The following TENT4A variants were observed in gnomAD, a reference collection of about 807,000 sequenced individuals.
The protein encoded by TENT4A is DNA polymerase kappa.
In TENT4A, 7 loss-of-function variants were observed where a neutral mutation model predicts 72.8. The observed-to-expected ratio is 0.10, with a 90% CI of 0.05 to 0.18. TENT4A has a LOEUF of 0.18. TENT4A is among the 10% of genes least tolerant of loss of function. TENT4A has a pLI of 1.00. For missense variants in TENT4A, 831 were observed against 1,017.7 expected, an observed-to-expected ratio of 0.82 and a Z score of 2.50; for synonymous variants, 456 against 434.3, an observed-to-expected ratio of 1.05 and a Z score of -0.62.
intron 9 of TENT4A, among the ~76,000 whole-genome samples, 188 bp from the exon 10 acceptor site, chr5:6,750,142 AC>A (rs2126655313): frequency 6.6e-6 from 1 of 152,382 alleles, no homozygotes; most frequent in African/African-American, 2.4e-5. Context: ...GTTATTACAA[AC>A]ATGTTTAATG....
At chr5:6,742,707 A>G in intron 5 of TENT4A, 110 bp downstream of exon 5, 1 of 662,052 alleles carries the variant, frequency 1.5e-6, no homozygotes, top group East Asian at 2.7e-5. Flanking sequence ...GTCTTTCGTA[A>G]CACAGACTAC....
chr5:6,754,840 G>A lies in TENT4A; in HGVS notation c.2274G>A (p.Arg758=). The part of the protein sequence containing the change: ...GYSSVGSGGV[R]PPVGNRGHHQ... Reference sequence around the variant, plus strand: ...GCTCTGTGGGTAGCGGAGGTGTGCGGCCCCCTGTGGGCAACAGGGGACACC... The same window carrying A: ...GCTCTGTGGGTAGCGGAGGTGTGCGACCCCCTGTGGGCAACAGGGGACACC... Residue 758 remains arginine, a synonymous_variant, in exon 13 of 13, where the codon CGG becomes CGA. Transcript: ENST00000230859. 2 of 1,609,850 alleles carry A rather than the reference G, an allele frequency of 1.2e-6. No homozygotes were observed. Among genetic ancestry groups the A allele is most frequent in the Non-Finnish European group, 1.7e-6 (2 of 1,177,082 alleles).
At chr5:6,744,745 T>G (rs1741994070) in intron 6 of TENT4A, among the ~76,000 whole-genome samples, 1 of 152,254 alleles carries the variant, frequency 6.6e-6, no homozygotes, top group Non-Finnish European at 1.5e-5. Flanking sequence ...CTGTCCTGTC[T>G]TCACTTTCCC....
intron 8 of TENT4A, among the ~76,000 whole-genome samples, chr5:6,749,280 G>C (rs1742267196): frequency 6.6e-6 from 1 of 152,164 alleles, no homozygotes; most frequent in African/African-American, 2.4e-5. Context: ...TGAAATGTCA[G>C]CACTGTATGA....
chr5:6,727,070 TCGC>T (rs1167190588), intron 1 of TENT4A, among the ~76,000 whole-genome samples: 1 of 152,046 alleles, frequency 6.6e-6, no homozygotes, highest in Non-Finnish European at 1.5e-5. Flanking sequence ...CCACTCCTTG[TCGC>T]CATCCACCCT....
chr5:6,724,144 G>C (rs1408796635), intron 1 of TENT4A, among the ~76,000 whole-genome samples: 1 of 152,180 alleles, frequency 6.6e-6, no homozygotes, highest in African/African-American at 2.4e-5. Context: ...GGCGCTACTA[G>C]AAAATAAAGG....
chr5:6,727,893 C>G (rs1160642978), intron 1 of TENT4A, among the ~76,000 whole-genome samples: 1 of 152,238 alleles, frequency 6.6e-6, no homozygotes. Flanking sequence ...CGGTAAATAG[C>G]TGCAGACCAC....
In TENT4A at chr5:6,724,486, A is replaced by G. The variant is rs79000821; in HGVS notation, c.716+9787A>G. Among the ~76,000 whole-genome samples the G allele has an allele frequency of 3.9e-3, 597 of 152,300 alleles. 4 individuals are homozygous for G. Among genetic ancestry groups the G allele is most frequent in the African/African-American group, 0.014 (571 of 41,556 alleles). Reference sequence around the variant, plus strand: ...ATGGAAGAAAGCAAAAGGTGAATCTATCTAGAGTTTGTGGTTCTGACTCAC... The same window carrying G: ...ATGGAAGAAAGCAAAAGGTGAATCTGTCTAGAGTTTGTGGTTCTGACTCAC... On this transcript the variant is annotated intron_variant, in intron 1 of 12. Transcript: ENST00000230859.
intron 1 of TENT4A, among the ~76,000 whole-genome samples, chr5:6,734,551 ATG>A (rs1741374756): frequency 6.6e-6 from 1 of 152,274 alleles, no homozygotes; most frequent in South Asian, 2.1e-4. Flanking sequence ...TCCAAGAGGC[ATG>A]GATGGCCGGG....
chr5:6,730,001 A>AT (rs902972330), intron 1 of TENT4A, among the ~76,000 whole-genome samples: 12 of 151,480 alleles, frequency 7.9e-5, no homozygotes, highest in African/African-American at 1.9e-4. Context: ...CAAGTTAAGT[A>AT]TTTTTTCTGT....
At chr5:6,725,630 C>T (rs1440372211) in intron 1 of TENT4A, among the ~76,000 whole-genome samples, 2 of 152,202 alleles carry the variant, frequency 1.3e-5, no homozygotes, top group Admixed American at 6.5e-5. Context: ...AAGAGTGCTT[C>T]GTGCTAACTA....
intron 7 of TENT4A, 150 bp from the exon 8 acceptor site, chr5:6,748,314 A>G (rs780142089): frequency 9.9e-6 from 10 of 1,008,332 alleles, no homozygotes; most frequent in Admixed American, 5.6e-5. Flanking sequence ...ACCCGTGCCC[A>G]TTGTGTTCGC....
At chr5:6,732,883 C>T (rs1372126258) in intron 1 of TENT4A, among the ~76,000 whole-genome samples, 3 of 152,196 alleles carry the variant, frequency 2.0e-5, no homozygotes, top group Admixed American at 6.5e-5. Flanking sequence ...GATTTCACTT[C>T]ACAGAGACAA....
At chr5:6,748,409 CAT>C (rs766059174) in intron 7 of TENT4A, 53 bp from the exon 8 acceptor site, 91 of 1,601,330 alleles carry the variant, frequency 5.7e-5, no homozygotes, top group East Asian at 3.6e-4. Context: ...AGATCCAAAA[CAT>C]GTGGACGATG....
rs781338394 is a variant in TENT4A at position 6,737,505 on chromosome 5, A to G, written c.717-5A>G. ...CTCTAGTATGTTTTCTTTTTTGTCCATTAGACTACATGAGGAAATAATTGA... is the reference window on the plus strand; with the variant it reads ...CTCTAGTATGTTTTCTTTTTTGTCCGTTAGACTACATGAGGAAATAATTGA... On this transcript the variant is annotated splice_region_variant and splice_polypyrimidine_tract_variant and intron_variant, in intron 1 of 12. Transcript: ENST00000230859. The G allele has an allele frequency of 1.9e-6, 3 of 1,608,634 alleles. No individual in the cohort carries two copies. Among genetic ancestry groups the G allele is most frequent in the Admixed American group, 1.7e-5 (1 of 59,158 alleles).
chr5:6,727,079 A>C, intron 1 of TENT4A, among the ~76,000 whole-genome samples: 1 of 150,110 alleles, frequency 6.7e-6, no homozygotes, highest in Admixed American at 6.6e-5. Context: ...GTCGCCATCC[A>C]CCCTGTGCTT....
intron 7 of TENT4A, among the ~76,000 whole-genome samples, chr5:6,747,081 A>T (rs909539351): frequency 1.3e-4 from 20 of 152,166 alleles, no homozygotes; most frequent in African/African-American, 4.8e-4. Flanking sequence ...AACGCTTTTA[A>T]ATTTATATTT....
rs1377632697 is a variant in TENT4A, at chr5:6,739,782, T to G, written c.938T>G (p.Leu313Arg). ...AAATGGGAGCGTCCTCCTTTACAGC[T>G]GCTGGAGCAAGCCCTGCGGAAGCAC... ...FGKWERPPLQ[L>R]LEQALRKHNV... is the part of the protein sequence containing the mutation. The change falls in exon 4 of 13, where the codon CTG (leucine) becomes CGG (arginine). Residue 313 changes from leucine to arginine, a missense_variant. Leu to Arg is a moderately radical substitution (Grantham distance 102, BLOSUM62 -2). Around this residue, in one of 3 missense-constraint regions of TENT4A, gnomAD observed 197 missense variants for 399.6 expected, o/e 0.49. Coordinates refer to ENST00000230859, the MANE Select transcript of TENT4A (RefSeq NM_006999.6). The G allele has an allele frequency of 9.9e-6, 16 of 1,614,064 alleles. No individual in the cohort carries two copies. Among genetic ancestry groups the G allele is most frequent in the Non-Finnish European group, 1.3e-5 (15 of 1,180,030 alleles).
At position 6,737,620 on chromosome 5, in the gene TENT4A, GGCCGACGGC is replaced by G; in HGVS notation, c.828_836del (p.Trp276_Ala279delinsCys). 6.2e-7 allele frequency: 1 copy of G among 1,613,996 alleles called. No homozygotes were observed. ...ATCGAAACTGTGGTGAAAGACCTTT[GGCCGACGGC>G]TGATGTGAGTATGTTCTTTGGAGTT... On this transcript the variant is annotated inframe_deletion, in exon 2 of 13. Coordinates refer to ENST00000230859, the MANE Select transcript of TENT4A (RefSeq NM_006999.6).
Sources: allele counts gnomAD v4.1 joint callset (sites outside exome capture counted in the v4.1 genomes callset), GRCh38; gene constraint gnomAD v4.1.1; regional missense constraint gnomAD v4.1.1; transcripts MANE v1.5; gene names NCBI Gene and HGNC (gene_info 2026-07-23, HGNC 2026-07-21).